CRISPLD1: variants seen among roughly 807,000 people sequenced by gnomAD.
CRISPLD1 encodes cysteine rich secretory protein LCCL domain containing 1.
In CRISPLD1, 60 loss-of-function variants were observed where a neutral mutation model predicts 77.5. The observed-to-expected ratio is 0.77, with a 90% CI of 0.63 to 0.96. The LOEUF (loss-of-function observed/expected upper bound fraction) is 0.96, where lower values mean the gene tolerates loss of function less well. Among genes scored for constraint, CRISPLD1 ranks in the 40% least tolerant of loss-of-function variants. The probability of loss-of-function intolerance (pLI) is 0.00; values close to 1 mark genes in which losing one functional copy is unlikely to be tolerated. For missense variants in CRISPLD1, 623 were observed against 615.8 expected, an observed-to-expected ratio of 1.01 and a Z score of -0.12; for synonymous variants, 195 against 200.1, an observed-to-expected ratio of 0.97 and a Z score of 0.22.
At chr8:75,009,567 A>C (rs2128784372) in intron 2 of CRISPLD1, among the ~76,000 whole-genome samples, 1 of 150,638 alleles carries the variant, frequency 6.6e-6, no homozygotes, top group East Asian at 2.0e-4. Context: ...CTGCTCTTTG[A>C]ATATGAGATT....
chr8:75,016,506 G>C, intron 6 of CRISPLD1, 59 bp from the exon 7 acceptor site: 1 of 1,434,096 alleles, frequency 7.0e-7, no homozygotes, highest in Non-Finnish European at 9.5e-7. Flanking sequence ...ATTATTATTT[G>C]ATAATTCATG....
At chr8:75,026,057 G>T (rs1813229871) in intron 13 of CRISPLD1, among the ~76,000 whole-genome samples, 2 of 151,344 alleles carry the variant, frequency 1.3e-5, no homozygotes, top group South Asian at 4.2e-4. Flanking sequence ...ATGCAAAAGA[G>T]AACTAGTTGA....
At chr8:75,017,213 G>T in intron 9 of CRISPLD1, 100 bp downstream of exon 9, 1 of 1,519,150 alleles carries the variant, frequency 6.6e-7, no homozygotes, top group Non-Finnish European at 9.0e-7. Flanking sequence ...TAGATATTTT[G>T]CTCAGAAATG....
chr8:74,985,231 T>A (rs1380571241), intron 1 of CRISPLD1, among the ~76,000 whole-genome samples: 3 of 152,150 alleles, frequency 2.0e-5, no homozygotes, highest in African/African-American at 7.2e-5. Flanking sequence ...AGCTGCTGGC[T>A]TCTTCGGGTG....
intron 2 of CRISPLD1, among the ~76,000 whole-genome samples, chr8:75,002,498 A>AAT (rs1010833656): frequency 1.3e-5 from 2 of 151,118 alleles, no homozygotes; most frequent in African/African-American, 4.9e-5. Context: ...GTAAAAAAAA[A>AAT]AATAATAATA....
At chr8:75,026,275 C>T (rs1813234230) in intron 13 of CRISPLD1, among the ~76,000 whole-genome samples, 1 of 152,162 alleles carries the variant, frequency 6.6e-6, no homozygotes, top group African/African-American at 2.4e-5. Flanking sequence ...GAGATGGGGT[C>T]TCACTGTGTT....
chr8:74,987,054 T>C (rs1256275962), intron 2 of CRISPLD1, among the ~76,000 whole-genome samples: 5 of 152,214 alleles, frequency 3.3e-5, no homozygotes, highest in Non-Finnish European at 5.9e-5. Context: ...ATGGCAAAAC[T>C]TATTTAACAA....
At chr8:75,028,823 A>G (rs1813280687) in intron 13 of CRISPLD1, among the ~76,000 whole-genome samples, 1 of 152,096 alleles carries the variant, frequency 6.6e-6, no homozygotes, top group Non-Finnish European at 1.5e-5. Flanking sequence ...TTTTAGGGTT[A>G]TTCTTTTAGG....
At chr8:75,025,672 GTATAGACACATTTAAA>G in intron 13 of CRISPLD1, 51 bp downstream of exon 13, 1 of 941,478 alleles carries the variant, frequency 1.1e-6, no homozygotes, top group Non-Finnish European at 1.7e-6. Flanking sequence ...ATATATAAAT[GTATAGACACATTTAAA>G]TGTGTATATG....
rs1274735671 is a variant in CRISPLD1, at chr8:75,019,953, G to C, written c.1171+40G>C. On this transcript the variant is annotated intron_variant, in intron 11 of 14. Coordinates refer to ENST00000262207, the MANE Select transcript of CRISPLD1 (RefSeq NM_031461.6). Reference sequence around the variant, plus strand: ...CATCTTATTTTCTTAGTACTGTGTAGTATGTTACTGCTTTCAAAGGATTCA... The same window carrying C: ...CATCTTATTTTCTTAGTACTGTGTACTATGTTACTGCTTTCAAAGGATTCA... 3.1e-6 allele frequency: 5 copies of C among 1,609,396 alleles called. No individual in the cohort carries two copies. The East Asian group carries it at 6.7e-5, about 22-fold the overall frequency.
intron 2 of CRISPLD1, among the ~76,000 whole-genome samples, chr8:74,990,527 A>T (rs7841231): frequency 2.4e-4 from 36 of 151,620 alleles, no homozygotes; most frequent in Admixed American, 8.5e-4. Flanking sequence ...TAAATATCCT[A>T]TGTTTGTGGC....
intron 2 of CRISPLD1, among the ~76,000 whole-genome samples, chr8:74,998,685 CAAAAAAAAAA>C (rs368258595): frequency 2.0e-5 from 1 of 50,982 alleles, no homozygotes; most frequent in African/African-American, 7.2e-5. Flanking sequence ...GACTCCATCT[CAAAAAAAAAA>C]AAAAAAAAAA....
intron 2 of CRISPLD1, among the ~76,000 whole-genome samples, chr8:75,005,324 G>C (rs1028063507): frequency 6.6e-6 from 1 of 152,002 alleles, no homozygotes; most frequent in Non-Finnish European, 1.5e-5. Flanking sequence ...AAAAGAATTC[G>C]GAAAGACTTA....
At chr8:75,015,038 C>T (rs2128785793) in intron 6 of CRISPLD1, 126 bp downstream of exon 6, 4 of 470,330 alleles carry the variant, frequency 8.5e-6, no homozygotes, top group East Asian at 7.3e-5. Flanking sequence ...AACTCTATTT[C>T]AAATATTTTG....
chr8:75,021,935 AAGG>A (rs2128787480), intron 12 of CRISPLD1, among the ~76,000 whole-genome samples: 1 of 152,272 alleles, frequency 6.6e-6, no homozygotes, highest in South Asian at 2.1e-4. Context: ...ACCAAATAAT[AAGG>A]AGGGTCTCTG....
At chr8:74,992,905 G>GTTTTT (rs771210880) in intron 2 of CRISPLD1, among the ~76,000 whole-genome samples, 2 of 115,208 alleles carry the variant, frequency 1.7e-5, no homozygotes, top group African/African-American at 3.4e-5. Flanking sequence ...AGAAATTATG[G>GTTTTT]TTTTTTTTTT....
chr8:74,996,709 CTTTTTTTTTTTTT>C (rs1178454369), intron 2 of CRISPLD1, among the ~76,000 whole-genome samples: 3 of 73,348 alleles, frequency 4.1e-5, no homozygotes, highest in Non-Finnish European at 7.6e-5. Flanking sequence ...GAGCCAGAAT[CTTTTTTTTTTTTT>C]TTTTTTTTTT....
At chr8:75,020,469 T>C (rs1813114444) in intron 12 of CRISPLD1, among the ~76,000 whole-genome samples, 3 of 152,148 alleles carry the variant, frequency 2.0e-5, no homozygotes, top group Admixed American at 6.6e-5. Context: ...TGATGAGGGC[T>C]CTCTTCCTGG....
chr8:75,019,452 G>C (rs559118005), intron 10 of CRISPLD1, among the ~76,000 whole-genome samples: 2 of 152,052 alleles, frequency 1.3e-5, no homozygotes, highest in African/African-American at 4.8e-5. Flanking sequence ...AATAATGGAC[G>C]CTCCCTTAGT....
Sources: gnomAD v4.1 joint callset for allele counts (sites outside exome capture counted in the v4.1 genomes callset) on GRCh38, gnomAD v4.1.1 for gene constraint, MANE v1.5 for transcripts, NCBI Gene and HGNC (gene_info 2026-07-23, HGNC 2026-07-21) for gene names.